The following RNF17 variants were observed in gnomAD, a reference collection of about 807,000 sequenced individuals.
RNF17 encodes spermatogenesis associated 23.
RNF17 carries 31 observed loss-of-function variants against 200.5 expected under a neutral mutation model. The ratio of observed to expected loss-of-function variants is 0.15; its 90% confidence interval spans 0.12 to 0.21. The LOEUF (loss-of-function observed/expected upper bound fraction) is 0.21, where lower values mean the gene tolerates loss of function less well. RNF17 is among the 10% of genes least tolerant of loss of function. The pLI, the probability that RNF17 is intolerant of heterozygous loss-of-function variation, is 1.00. For missense variants in RNF17, 1,628 were observed against 1,905.1 expected, an observed-to-expected ratio of 0.85 and a Z score of 2.71; for synonymous variants, 606 against 637.8, an observed-to-expected ratio of 0.95 and a Z score of 0.75.
chr13:24,768,847 T>A (rs1213147698), intron 2 of RNF17, among the ~76,000 whole-genome samples: 1 of 152,134 alleles, frequency 6.6e-6, no homozygotes, highest in Non-Finnish European at 1.5e-5. Flanking sequence ...CCCTTCATTA[T>A]TTAGGTTTGA....
At chr13:24,777,194 A>G (rs944302051) in intron 3 of RNF17, among the ~76,000 whole-genome samples, 1 of 152,248 alleles carries the variant, frequency 6.6e-6, no homozygotes, top group African/African-American at 2.4e-5. Flanking sequence ...CCTCAGGGCT[A>G]ATGCACTCAT....
In RNF17 at chr13:24,879,151, T is replaced by G. The variant is rs1369231826; in HGVS notation, c.4774-36T>G. 4 of 1,501,182 alleles carry G rather than the reference T, an allele frequency of 2.7e-6. No individual in the cohort carries two copies. In the East Asian group the frequency reaches 9.0e-5, roughly 34 times the overall value. 93.0% of individuals were successfully genotyped at this position (1,501,182 alleles called of 1,614,324 possible). ...GAGAGGGAAAAGGCAGCAAAGACATTACTGTTTTCTTGACAACTGTATCTT... is the reference window on the plus strand; with the variant it reads ...GAGAGGGAAAAGGCAGCAAAGACATGACTGTTTTCTTGACAACTGTATCTT... On this transcript the variant is annotated intron_variant, in intron 34 of 35. Transcript: ENST00000255324.
In RNF17 at chr13:24,870,614, A is replaced by G; in HGVS notation, c.4322A>G (p.Asn1441Ser). ...TCTATAGAAACTTCTAACCAGTCTA[A>G]CCAGCATAGTGACACAGATGATAGT... ...LDSIETSNQSNQHSDTDDSGV... is the reference protein window; with the variant it reads ...LDSIETSNQSSQHSDTDDSGV... The change falls in exon 32 of 36, where the codon AAC becomes AGC. Residue 1441 changes from asparagine to serine, a missense_variant. Coordinates refer to ENST00000255324, the MANE Select transcript of RNF17 (RefSeq NM_031277.3). The G allele has an allele frequency of 6.2e-7, 1 of 1,614,110 alleles. No homozygotes were observed. Among genetic ancestry groups the G allele is most frequent in the Non-Finnish European group, 8.5e-7 (1 of 1,179,966 alleles).
At chr13:24,864,376 G>T (rs1268019661) in intron 28 of RNF17, among the ~76,000 whole-genome samples, 3 of 152,178 alleles carry the variant, frequency 2.0e-5, no homozygotes, top group Non-Finnish European at 1.5e-5. Context: ...GAAGAGAATT[G>T]CTGTAGGTCA....
Position 24,815,482 on chromosome 13 carries a change from G to C in RNF17, c.2092-10137G>C, listed in dbSNP as rs539437764. On this transcript the variant is annotated intron_variant, in intron 15 of 35. Transcript: ENST00000255324. ...GTGTGTGTGTGTGTGTGTATAATTT[G>C]GGGGGATTTTCTTACATAGAAGATC... Among the ~76,000 whole-genome samples the C allele has an allele frequency of 3.7e-3, 545 of 149,050 alleles. 2 individuals are homozygous for C. Among genetic ancestry groups the C allele is most frequent in the Non-Finnish European group, 5.8e-3 (394 of 67,366 alleles).
chr13:24,873,601 TG>T (rs1223224098), intron 32 of RNF17, among the ~76,000 whole-genome samples: 4 of 152,002 alleles, frequency 2.6e-5, no homozygotes, highest in African/African-American at 9.7e-5. Flanking sequence ...TACAATCCAT[TG>T]TTGTTAACTA....
At chr13:24,859,201 A>G in intron 26 of RNF17, 37 bp downstream of exon 26, 1 of 1,502,616 alleles carries the variant, frequency 6.7e-7, no homozygotes, top group South Asian at 1.3e-5. Context: ...TTCTAAAGCT[A>G]AATGCTATAG....
intron 17 of RNF17, 88 bp from the exon 18 acceptor site, chr13:24,831,770 T>G (rs767299512): frequency 2.6e-5 from 29 of 1,109,192 alleles, no homozygotes; most frequent in Admixed American, 1.7e-4. Context: ...ACATAAAGAT[T>G]AGTTTTGTAC....
chr13:24,858,808 T>C (rs1892792301), intron 25 of RNF17, among the ~76,000 whole-genome samples, 193 bp from the exon 26 acceptor site: 1 of 152,068 alleles, frequency 6.6e-6, no homozygotes, highest in Non-Finnish European at 1.5e-5. Context: ...GTTTGTACTC[T>C]CAAAATATAA....
intron 15 of RNF17, among the ~76,000 whole-genome samples, chr13:24,813,826 TTTTTTTTTTTTTTTTTTTA>T (rs1887060995): frequency 1.5e-4 from 3 of 20,054 alleles, no homozygotes; most frequent in Admixed American, 7.5e-4. Context: ...TTTTTTTTTT[TTTTTTTTTTTTTTTTTTTA>T]GAGACAGGTT....
upstream of RNF17, among the ~76,000 whole-genome samples, chr13:24,762,348 G>A (rs184789578): frequency 3.8e-4 from 48 of 126,300 alleles, no homozygotes; most frequent in East Asian, 7.9e-3. Context: ...CAGCCTGGGC[G>A]ACAGAGCAAG....
intron 6 of RNF17, among the ~76,000 whole-genome samples, chr13:24,783,578 C>T (rs1190142554): frequency 1.3e-5 from 2 of 151,966 alleles, no homozygotes; most frequent in South Asian, 2.1e-4. Context: ...ATATACAAGT[C>T]TTTCACCTCC....
chr13:24,748,971 G>T, the RNF17 span, among the ~76,000 whole-genome samples: 1 of 152,032 alleles, frequency 6.6e-6, no homozygotes, highest in African/African-American at 2.4e-5. Flanking sequence ...CCAGCCTGGT[G>T]GTGAACTCCT....
intron 18 of RNF17, among the ~76,000 whole-genome samples, chr13:24,840,219 C>G (rs1012687202): frequency 1.3e-5 from 2 of 151,992 alleles, no homozygotes; most frequent in African/African-American, 4.8e-5. Flanking sequence ...GTCAAAAAAT[C>G]AAAAAACAAT....
At position 24,859,178 on chromosome 13, in the gene RNF17, T is replaced by G. The variant is rs1566237406; in HGVS notation, c.3774+14T>G. 1.3e-6 allele frequency: 2 copies of G among 1,558,268 alleles called. No individual in the cohort carries two copies. Among genetic ancestry groups the G allele is most frequent in the Non-Finnish European group, 8.7e-7 (1 of 1,147,834 alleles). ...GGCGCTGTCAGAGTGAGTCTGATAT[T>G]CTTTTGTGACAATTCTAAAGCTAAA... is the stretch of plus-strand genomic sequence containing the variant. On this transcript the variant is annotated intron_variant, in intron 26 of 35. Coordinates refer to ENST00000255324, the MANE Select transcript of RNF17 (RefSeq NM_031277.3).
chr13:24,873,865 G>A (rs1894571446), intron 32 of RNF17, among the ~76,000 whole-genome samples: 1 of 152,134 alleles, frequency 6.6e-6, no homozygotes, highest in Admixed American at 6.5e-5. Context: ...ATCCATCCAT[G>A]TTGCTGCAAA....
chr13:24,875,273 G>A (rs906999930), intron 33 of RNF17, among the ~76,000 whole-genome samples: 1 of 152,160 alleles, frequency 6.6e-6, no homozygotes, highest in Non-Finnish European at 1.5e-5. Context: ...TGGAGGAATG[G>A]TGATATCATT....
In RNF17 at chr13:24,778,331, T is replaced by C. The variant is rs760030046; in HGVS notation, c.354T>C (p.Ala118=). The C allele has an allele frequency of 1.9e-6, 3 of 1,613,330 alleles. No individual in the cohort carries two copies. In the South Asian group the frequency reaches 3.3e-5, roughly 18 times the overall value. The change falls in exon 4 of 36, where the codon GCT becomes GCC. Residue 118 remains alanine, a synonymous_variant. Transcript: ENST00000255324. ...KNCSQDFKKT[A]DQLTTGLERS... ...GTTCTCAGGACTTTAAGAAGACTGC[T>C]GATCAGCTAACTACTGGTTTAGAAC... is the stretch of plus-strand genomic sequence containing the variant.
chr13:24,836,822 A>AAAAC (rs397830627), intron 18 of RNF17, among the ~76,000 whole-genome samples: 1 of 151,216 alleles, frequency 6.6e-6, no homozygotes, highest in African/African-American at 2.4e-5. Context: ...CAAAAACAAA[A>AAAAC]CCAAAGTGCA....
Sources: allele counts gnomAD v4.1 joint callset (sites outside exome capture counted in the v4.1 genomes callset), GRCh38; gene constraint gnomAD v4.1.1; transcripts MANE v1.5; gene names NCBI Gene and HGNC (gene_info 2026-07-23, HGNC 2026-07-21).